SLC35F4: variants seen among roughly 807,000 people sequenced by gnomAD.
SLC35F4 encodes the protein chromosome 14 open reading frame 36.
SLC35F4 carries 24 observed loss-of-function variants against 44.2 expected under a neutral mutation model. That is an observed-to-expected ratio of 0.54 (90% CI 0.39 to 0.76). The LOEUF (loss-of-function observed/expected upper bound fraction) is 0.76. Among genes scored for constraint, SLC35F4 ranks in the 30% least tolerant of loss-of-function variants. SLC35F4 has a pLI of 0.00. For missense variants in SLC35F4, 562 were observed against 586.1 expected (o/e 0.96, Z 0.42); for synonymous variants, 238 against 223.6 (o/e 1.06, Z -0.57).
At chr14:57,913,031 C>T (rs1203368695) in intron 1 of SLC35F4, among the ~76,000 whole-genome samples, 1 of 151,994 alleles carries the variant, frequency 6.6e-6, no homozygotes, top group Non-Finnish European at 1.5e-5. Flanking sequence ...CTCTTTATCC[C>T]TAATAACCTT....
At chr14:57,954,875 T>C (rs901673066) in intron 1 of SLC35F4, among the ~76,000 whole-genome samples, 2 of 150,900 alleles carry the variant, frequency 1.3e-5, no homozygotes, top group African/African-American at 2.4e-5. Context: ...CCATTCCTTT[T>C]GAAACTATTC....
intron 1 of SLC35F4, among the ~76,000 whole-genome samples, chr14:57,778,724 A>C (rs2077550783): frequency 6.6e-6 from 1 of 151,734 alleles, no homozygotes; most frequent in Non-Finnish European, 1.5e-5. Context: ...ATCAGATATA[A>C]AACAATGCTC....
intron 1 of SLC35F4, among the ~76,000 whole-genome samples, chr14:57,763,411 A>T (rs984899463): frequency 1.3e-5 from 2 of 152,196 alleles, no homozygotes; most frequent in African/African-American, 4.8e-5. Context: ...AATATCAAAT[A>T]TTCAGAGGCA....
chr14:57,614,517 T>G (rs760146213), intron 1 of SLC35F4, among the ~76,000 whole-genome samples: 1 of 152,212 alleles, frequency 6.6e-6, no homozygotes, highest in Non-Finnish European at 1.5e-5. Flanking sequence ...AAAGTTGTTA[T>G]TTCCCAAAGA....
intron 1 of SLC35F4, among the ~76,000 whole-genome samples, chr14:57,847,078 A>C (rs1448103507): frequency 6.6e-6 from 1 of 152,248 alleles, no homozygotes; most frequent in African/African-American, 2.4e-5. Flanking sequence ...ATTTCAGTGC[A>C]TAATTATGTT....
chr14:57,570,975 T>C (rs757788743), intron 5 of SLC35F4, among the ~76,000 whole-genome samples: 13 of 152,200 alleles, frequency 8.5e-5, no homozygotes, highest in Non-Finnish European at 1.9e-4. Flanking sequence ...TGAACATTTG[T>C]CAAGCTTGTC....
At chr14:57,936,134 A>G (rs1889790393) in intron 1 of SLC35F4, among the ~76,000 whole-genome samples, 2 of 152,260 alleles carry the variant, frequency 1.3e-5, no homozygotes, top group Non-Finnish European at 2.9e-5. Context: ...AATGCTCAGC[A>G]TATGCATTTT....
intron 1 of SLC35F4, among the ~76,000 whole-genome samples, chr14:57,879,056 T>A (rs1027640826): frequency 2.0e-5 from 3 of 152,138 alleles, no homozygotes; most frequent in Non-Finnish European, 4.4e-5. Context: ...AAACAAGTCA[T>A]GATCCACTTC....
chr14:57,828,828 G>A (rs1884059904), intron 1 of SLC35F4, among the ~76,000 whole-genome samples: 1 of 152,166 alleles, frequency 6.6e-6, no homozygotes, highest in Non-Finnish European at 1.5e-5. Flanking sequence ...ATAAAGGTGA[G>A]CAGAGCTCCA....
At chr14:57,856,647 G>T (rs1887130012) in intron 1 of SLC35F4, among the ~76,000 whole-genome samples, 1 of 151,956 alleles carries the variant, frequency 6.6e-6, no homozygotes, top group South Asian at 2.1e-4. Flanking sequence ...ATGTGTTCTA[G>T]TTTAAAACCA....
chr14:57,940,313 CA>C (rs539608934), intron 1 of SLC35F4, among the ~76,000 whole-genome samples: 10 of 151,152 alleles, frequency 6.6e-5, no homozygotes, highest in African/African-American at 2.4e-4. Context: ...TAGATAAATA[CA>C]AAAAAAAGTA....
intron 1 of SLC35F4, among the ~76,000 whole-genome samples, chr14:57,761,278 T>A (rs1283708688): frequency 6.6e-6 from 1 of 152,192 alleles, no homozygotes; most frequent in Admixed American, 6.5e-5. Flanking sequence ...GAAGCAGGCA[T>A]CTTTTCTGAT....
intron 1 of SLC35F4, chr14:57,595,731 G>T (rs1402700615): frequency 6.6e-6 from 1 of 152,118 alleles, no homozygotes; most frequent in Non-Finnish European, 1.5e-5. Context: ...TGGCTACTGA[G>T]TACCTTTGAT....
chr14:57,877,240 G>A (rs1888417258), intron 1 of SLC35F4, among the ~76,000 whole-genome samples: 1 of 152,060 alleles, frequency 6.6e-6, no homozygotes, highest in South Asian at 2.1e-4. Context: ...GCTCCCATTT[G>A]TAAGTAAGAA....
rs199785589 is a variant in SLC35F4 at position 57,578,325 on chromosome 14, GTTTTTTTTTTTTTTTTTTTTTT to G, written c.807+2867_807+2888del. ...GATGACTGAAAGCATCCCTTTAACT[GTTTTTTTTTTTTTTTTTTTTTT>G]TTTTTTTTTTTTTTTTGAGTAGTCC... On this transcript the variant is annotated intron_variant, in intron 4 of 7. Coordinates refer to ENST00000556826, the MANE Select transcript of SLC35F4 (RefSeq NM_001306087.2). Among the ~76,000 whole-genome samples the G allele has an allele frequency of 1.3e-3, 55 of 43,166 alleles. 1 individual carries two copies. In the East Asian group the frequency reaches 0.016, roughly 13 times the overall value. 28.3% of individuals were successfully genotyped at this position (43,166 alleles called of 152,430 possible).
At chr14:57,790,676 A>T (rs1317410255) in intron 1 of SLC35F4, among the ~76,000 whole-genome samples, 1 of 152,210 alleles carries the variant, frequency 6.6e-6, no homozygotes, top group East Asian at 1.9e-4. Flanking sequence ...CCACATAGCC[A>T]AGACAATCCT....
chr14:57,891,221 TG>T (rs1248407116), intron 1 of SLC35F4, among the ~76,000 whole-genome samples: 2 of 152,350 alleles, frequency 1.3e-5, no homozygotes, highest in East Asian at 1.9e-4. Context: ...AAGTTTCTTG[TG>T]CCTAAGATCT....
chr14:57,681,985 T>C (rs1452502483), intron 1 of SLC35F4, among the ~76,000 whole-genome samples: 1 of 152,042 alleles, frequency 6.6e-6, no homozygotes, highest in Non-Finnish European at 1.5e-5. Context: ...CACTAAAAAG[T>C]TAGGAAACAA....
At chr14:57,915,964 T>C (rs1480319104) in intron 1 of SLC35F4, among the ~76,000 whole-genome samples, 2 of 152,216 alleles carry the variant, frequency 1.3e-5, no homozygotes, top group Non-Finnish European at 2.9e-5. Context: ...TTTCAGATAT[T>C]TGCTACAGCA....
Sources: gnomAD v4.1 joint callset for allele counts (sites outside exome capture counted in the v4.1 genomes callset) on GRCh38, gnomAD v4.1.1 for gene constraint, MANE v1.5 for transcripts, NCBI Gene and HGNC (gene_info 2026-07-23, HGNC 2026-07-21) for gene names.